Variants in ST7 observed in about 807,000 individuals in gnomAD.
ST7 encodes the protein suppressor of tumorigenicity 7 protein.
Under a neutral mutation model 78.7 loss-of-function variants are expected in ST7, and 28 were observed. That is an observed-to-expected ratio of 0.36 (90% confidence interval 0.26 to 0.49). ST7 has a LOEUF of 0.49. Ranked by LOEUF, ST7 falls within the 20% of genes least tolerant of loss-of-function variation. The probability of loss-of-function intolerance (pLI) is 0.99; values close to 1 mark genes in which losing one functional copy is unlikely to be tolerated. For synonymous variants in ST7, 247 were observed against 249.6 expected, an observed-to-expected ratio of 0.99 and a Z score of 0.10; for missense variants, 418 against 696.0, an observed-to-expected ratio of 0.60 and a Z score of 4.49.
intron 9 of ST7, among the ~76,000 whole-genome samples, chr7:117,149,446 C>A (rs1439034281): frequency 2.6e-5 from 4 of 152,022 alleles, no homozygotes; most frequent in Non-Finnish European, 4.4e-5. Context: ...CAGGAGGGGC[C>A]CTTCTCAAGT....
At chr7:116,984,547 G>C (rs1794107485) in intron 1 of ST7, among the ~76,000 whole-genome samples, 1 of 152,130 alleles carries the variant, frequency 6.6e-6, no homozygotes. Context: ...CCCAGTAATA[G>C]ATGGCAGGGG....
intron 15 of ST7, among the ~76,000 whole-genome samples, chr7:117,222,287 C>CT (rs1304185243): frequency 6.6e-6 from 1 of 152,154 alleles, no homozygotes; most frequent in Non-Finnish European, 1.5e-5. Context: ...ACAACAAATT[C>CT]TTAGCAGTTT....
intron 10 of ST7, among the ~76,000 whole-genome samples, chr7:117,187,379 G>A (rs888112091): frequency 6.6e-6 from 1 of 151,830 alleles, no homozygotes; most frequent in African/African-American, 2.4e-5. Context: ...TTTTTCTTGT[G>A]CACATATACT....
At chr7:117,063,223 G>A (rs1003960246) in intron 1 of ST7, among the ~76,000 whole-genome samples, 2 of 152,084 alleles carry the variant, frequency 1.3e-5, no homozygotes, top group African/African-American at 4.8e-5. Flanking sequence ...AGAAATCTGG[G>A]TGATAAGACT....
At chr7:116,987,705 A>AG (rs1287505890) in intron 1 of ST7, among the ~76,000 whole-genome samples, 6 of 152,332 alleles carry the variant, frequency 3.9e-5, no homozygotes, top group African/African-American at 1.4e-4. Flanking sequence ...TTGGTACCAG[A>AG]AATCACCCAC....
chr7:116,997,836 G>C (rs558703169), intron 1 of ST7, among the ~76,000 whole-genome samples: 3 of 152,358 alleles, frequency 2.0e-5, no homozygotes, highest in African/African-American at 7.2e-5. Flanking sequence ...CAAACCTTGA[G>C]CTAGATACAG....
chr7:117,072,613 G>A (rs1241523111), intron 1 of ST7: 6 of 152,170 alleles, frequency 3.9e-5, no homozygotes, highest in Non-Finnish European at 7.3e-5. Flanking sequence ...TCCTATTAGA[G>A]TTTAAGATTT....
chr7:117,009,866 G>A (rs1563009295), intron 1 of ST7, among the ~76,000 whole-genome samples: 1 of 152,086 alleles, frequency 6.6e-6, no homozygotes, highest in African/African-American at 2.4e-5. Flanking sequence ...TGTAAGAAGG[G>A]AGTGGCCCTA....
At chr7:117,038,516 C>A (rs946046141) in intron 1 of ST7, among the ~76,000 whole-genome samples, 31 of 152,166 alleles carry the variant, frequency 2.0e-4, no homozygotes, top group African/African-American at 7.2e-4. Flanking sequence ...CTGCCCTTGA[C>A]TGGGCTAGTC....
At chr7:117,197,233 C>T (rs1040012336) in intron 12 of ST7, among the ~76,000 whole-genome samples, 3 of 152,188 alleles carry the variant, frequency 2.0e-5, no homozygotes, top group Non-Finnish European at 4.4e-5. Context: ...GACGAAGTCT[C>T]TGTTGCCCAA....
intron 1 of ST7, among the ~76,000 whole-genome samples, chr7:117,025,294 A>T (rs914321901): frequency 6.6e-6 from 1 of 152,190 alleles, no homozygotes; most frequent in African/African-American, 2.4e-5. Context: ...TCTCAAAATA[A>T]GCATCTAATT....
intron 1 of ST7, chr7:116,959,575 G>C (rs1792715186): frequency 5.1e-6 from 1 of 196,398 alleles, no homozygotes; most frequent in Non-Finnish European, 1.0e-5. Flanking sequence ...GCATTACTGA[G>C]TATGTGCCCC....
intron 2 of ST7, among the ~76,000 whole-genome samples, chr7:117,110,232 A>C (rs2116876506): frequency 6.6e-6 from 1 of 152,360 alleles, no homozygotes; most frequent in Non-Finnish European, 1.5e-5. Context: ...TTAAGTAAGC[A>C]AATAGAAAAA....
At chr7:117,168,092 G>C (rs1000581922) in intron 9 of ST7, among the ~76,000 whole-genome samples, 10 of 152,190 alleles carry the variant, frequency 6.6e-5, no homozygotes, top group Admixed American at 3.9e-4. Flanking sequence ...TTTGCTAATT[G>C]TCATATGACT....
At chr7:117,061,548 C>T (rs1417643553) in intron 1 of ST7, among the ~76,000 whole-genome samples, 1 of 152,130 alleles carries the variant, frequency 6.6e-6, no homozygotes, top group African/African-American at 2.4e-5. Flanking sequence ...ATCCCAGTCT[C>T]AGTGATAAGA....
At chr7:116,985,175 T>A (rs1181658837) in intron 1 of ST7, among the ~76,000 whole-genome samples, 2 of 152,160 alleles carry the variant, frequency 1.3e-5, no homozygotes, top group African/African-American at 2.4e-5. Context: ...AGGGTAGGAT[T>A]TGATGAAAAT....
chr7:117,079,223 T>C (rs940352195), intron 1 of ST7, among the ~76,000 whole-genome samples: 1 of 152,174 alleles, frequency 6.6e-6, no homozygotes, highest in African/African-American at 2.4e-5. Context: ...GTATTATGAG[T>C]AATCTAGATA....
intron 1 of ST7, among the ~76,000 whole-genome samples, chr7:116,975,590 T>C (rs1793662274): frequency 6.6e-6 from 1 of 151,980 alleles, no homozygotes; most frequent in African/African-American, 2.4e-5. Flanking sequence ...GTATTTTTAC[T>C]AGAGACAGAG....
chr7:117,093,260 G>A (rs866430893), intron 1 of ST7, among the ~76,000 whole-genome samples: 19 of 152,314 alleles, frequency 1.2e-4, no homozygotes, highest in Admixed American at 6.5e-4. Context: ...CAATGTGGAT[G>A]TTTTACATCC....
Sources: allele counts gnomAD v4.1 joint callset (sites outside exome capture counted in the v4.1 genomes callset), GRCh38; gene constraint gnomAD v4.1.1; transcripts MANE v1.5; gene names NCBI Gene and HGNC (gene_info 2026-07-23, HGNC 2026-07-21).